Variants in CYP7B1 observed in about 807,000 individuals in gnomAD.
The protein encoded by CYP7B1 is cytochrome P450 family 7 subfamily B member 1.
A neutral mutation model predicts 42.7 loss-of-function variants in CYP7B1; 29 were observed. The observed-to-expected ratio is 0.68, with a 90% confidence interval of 0.51 to 0.93. The LOEUF is 0.93. Among genes scored for constraint, CYP7B1 ranks in the 40% least tolerant of loss-of-function variants. CYP7B1 has a pLI of 0.00. For synonymous variants in CYP7B1, 235 were observed against 218.2 expected (o/e 1.08, Z -0.68); for missense variants, 655 against 600.5 (o/e 1.09, Z -0.95).
At chr8:64,747,942 G>A (rs576277840) in intron 1 of CYP7B1, among the ~76,000 whole-genome samples, 2 of 152,092 alleles carry the variant, frequency 1.3e-5, no homozygotes, top group Non-Finnish European at 2.9e-5. Flanking sequence ...TTGCAGGGGA[G>A]GAACTAAGGT....
At position 64,742,555 on chromosome 8, in the gene CYP7B1, G is replaced by A. The variant is rs531584834; in HGVS notation, c.122+55911C>T. Among the ~76,000 whole-genome samples, 8 of 152,208 alleles carry A rather than the reference G, an allele frequency of 5.3e-5. No individual in the cohort carries two copies. In the East Asian group the frequency reaches 1.5e-3, roughly 29 times the overall value. On this transcript the variant is annotated intron_variant, in intron 1 of 5. Transcript: ENST00000310193. ...GCCATAACAAAACACTACACTCTGG[G>A]TGGCTTAAACAAGAAAAATTTATTT...
At position 64,615,715 on chromosome 8, in the gene CYP7B1, CATA is replaced by C; in HGVS notation, c.823_825del (p.Tyr275del). The C allele has an allele frequency of 1.2e-6, 2 of 1,613,644 alleles. No homozygotes were observed. The highest frequency in any genetic ancestry group is 1.3e-5 in the African/African-American group (1 of 74,988). On this transcript the variant is annotated inframe_deletion, in exon 3 of 6. Transcript: ENST00000310193. ...CCTCCTATTTCAAGGTCCTCGTGCA[CATA>C]ATATTTCTCCAGGACATCTTGCCTG...
Position 64,591,735 on chromosome 8 carries a change from A to G in CYP7B1, c.*4907T>C, listed in dbSNP as rs546236181. Among the ~76,000 whole-genome samples the G allele has an allele frequency of 9.6e-4, 146 of 152,328 alleles. No homozygotes were observed. In the Middle Eastern group the frequency reaches 0.01, roughly 11 times the overall value. On this transcript the variant is annotated 3_prime_UTR_variant, in exon 6 of 6. Transcript: ENST00000310193. ...ATAAAAGTTTTCTTCTAGGTTGCTT[A>G]TAAGCATGCCTGATTTAGTGATAGG...
downstream of CYP7B1, among the ~76,000 whole-genome samples, chr8:64,586,898 G>T (rs555044633): frequency 5.9e-5 from 9 of 152,226 alleles, no homozygotes; most frequent in South Asian, 1.9e-3. Context: ...ATTTAAATTC[G>T]GCCTTTTAAA....
At chr8:64,716,461 C>T (rs935305153) in intron 1 of CYP7B1, among the ~76,000 whole-genome samples, 39 of 152,176 alleles carry the variant, frequency 2.6e-4, no homozygotes, top group African/African-American at 9.2e-4. Context: ...AATCTCAGCA[C>T]TTTGGGAGGC....
chr8:64,726,898 C>G (rs1251492129), intron 1 of CYP7B1, among the ~76,000 whole-genome samples: 2 of 152,142 alleles, frequency 1.3e-5, no homozygotes, highest in Non-Finnish European at 2.9e-5. Context: ...GGACAACTCT[C>G]AGGCTGATGG....
At chr8:64,693,781 G>T (rs990652722) in intron 1 of CYP7B1, among the ~76,000 whole-genome samples, 1 of 152,162 alleles carries the variant, frequency 6.6e-6, no homozygotes, top group African/African-American at 2.4e-5. Context: ...GTGTGTGTGT[G>T]TAACTTGTTT....
intron 1 of CYP7B1, among the ~76,000 whole-genome samples, chr8:64,665,947 G>A (rs1455089576): frequency 6.6e-6 from 1 of 152,044 alleles, no homozygotes; most frequent in Non-Finnish European, 1.5e-5. Context: ...AGAAAAGCTT[G>A]TCTTTAAGTA....
chr8:64,590,408 T>C (rs533753948), downstream of CYP7B1, among the ~76,000 whole-genome samples: 1 of 152,222 alleles, frequency 6.6e-6, no homozygotes, highest in African/African-American at 2.4e-5. Flanking sequence ...TATGAACAAA[T>C]AGAATACTGT....
chr8:64,677,870 G>A (rs1230597186), intron 1 of CYP7B1, among the ~76,000 whole-genome samples: 1 of 151,946 alleles, frequency 6.6e-6, no homozygotes, highest in African/African-American at 2.4e-5. Context: ...TCTCATTGTT[G>A]TTATTATTAC....
chr8:64,757,332 C>A (rs1359811265), intron 1 of CYP7B1, among the ~76,000 whole-genome samples: 1 of 152,184 alleles, frequency 6.6e-6, no homozygotes, highest in Non-Finnish European at 1.5e-5. Flanking sequence ...GAGTCTATCA[C>A]AGAAACTGGG....
At chr8:64,746,342 G>A (rs973636380) in intron 1 of CYP7B1, among the ~76,000 whole-genome samples, 5 of 152,088 alleles carry the variant, frequency 3.3e-5, no homozygotes, top group African/African-American at 1.2e-4. Flanking sequence ...TTTTTCTCCT[G>A]GTTTTGTTTT....
chr8:64,675,175 A>C (rs1585847815), intron 1 of CYP7B1, among the ~76,000 whole-genome samples: 1 of 152,096 alleles, frequency 6.6e-6, no homozygotes, highest in East Asian at 1.9e-4. Flanking sequence ...ACAAGTTCTT[A>C]ACTGTGCAAA....
At position 64,719,803 on chromosome 8, in the gene CYP7B1, A is replaced by G. The variant is rs576091274; in HGVS notation, c.122+78663T>C. Among the ~76,000 whole-genome samples, 3 of 152,356 alleles carry G rather than the reference A, an allele frequency of 2.0e-5. No homozygotes were observed. In the South Asian group the frequency reaches 6.2e-4, roughly 32 times the overall value. On this transcript the variant is annotated intron_variant, in intron 1 of 5. Transcript: ENST00000310193. ...ATTAAAATAAACTTTCTCAAAGGGT[A>G]GAAACTTCACTTCCAATTGAACTGA...
intron 1 of CYP7B1, among the ~76,000 whole-genome samples, chr8:64,763,448 C>A (rs1207067610): frequency 6.6e-6 from 1 of 152,200 alleles, no homozygotes; most frequent in Admixed American, 6.5e-5. Context: ...ACAACAAAGA[C>A]CCACTGGTAA....
At chr8:64,764,199 C>T (rs975884858) in intron 1 of CYP7B1, among the ~76,000 whole-genome samples, 1 of 151,776 alleles carries the variant, frequency 6.6e-6, no homozygotes, top group South Asian at 2.1e-4. Context: ...AGATGCTCTC[C>T]TCCCCGAATT....
chr8:64,687,242 A>G (rs1390734338), intron 1 of CYP7B1, among the ~76,000 whole-genome samples: 2 of 152,256 alleles, frequency 1.3e-5, no homozygotes, highest in Non-Finnish European at 2.9e-5. Flanking sequence ...ACAATGGAAT[A>G]TTATTCAGTC....
At chr8:64,791,553 T>A (rs572616192) in intron 1 of CYP7B1, among the ~76,000 whole-genome samples, 25 of 152,282 alleles carry the variant, frequency 1.6e-4, no homozygotes, top group Middle Eastern at 3.4e-3. Flanking sequence ...ATGACCTAGG[T>A]CTTGGTGGCC....
At chr8:64,662,324 C>T (rs1007987215) in intron 1 of CYP7B1, among the ~76,000 whole-genome samples, 3 of 151,918 alleles carry the variant, frequency 2.0e-5, no homozygotes, top group Non-Finnish European at 2.9e-5. Flanking sequence ...AGCAAGAGAC[C>T]GCCTCTATAA....
Sources: allele counts gnomAD v4.1 joint callset (sites outside exome capture counted in the v4.1 genomes callset), GRCh38; gene constraint gnomAD v4.1.1; transcripts MANE v1.5; gene names NCBI Gene and HGNC (gene_info 2026-07-23, HGNC 2026-07-21).